The following KCNG4 variants were observed in gnomAD, a reference collection of about 807,000 sequenced individuals.
KCNG4 encodes the protein voltage-gated potassium channel regulatory subunit KCNG4.
KCNG4 carries 30 observed loss-of-function variants against 28.2 expected under a neutral mutation model. The ratio of observed to expected loss-of-function variants is 1.06; its 90% confidence interval spans 0.80 to 1.44. KCNG4 has a LOEUF of 1.44. KCNG4 is among the 40% of genes most tolerant of loss of function. KCNG4 has a pLI of 0.00. For missense variants in KCNG4, 879 were observed against 712.3 expected (o/e 1.23, Z -2.66); for synonymous variants, 375 against 315.5 (o/e 1.19, Z -2.00).
chr16:84,223,668 G>A (rs1269220771), intron 2 of KCNG4, among the ~76,000 whole-genome samples: 1 of 152,182 alleles, frequency 6.6e-6, no homozygotes, highest in South Asian at 2.1e-4. Context: ...GGTCACAGCA[G>A]TGAAGTGACT....
intron 1 of KCNG4, among the ~76,000 whole-genome samples, chr16:84,237,786 G>A (rs776997551): frequency 3.3e-5 from 5 of 152,172 alleles, no homozygotes; most frequent in South Asian, 2.1e-4. Context: ...GACGTTGCAC[G>A]GATGGGGGCT....
At chr16:84,239,281 G>C (rs1160295544) in intron 1 of KCNG4, among the ~76,000 whole-genome samples, 1 of 152,222 alleles carries the variant, frequency 6.6e-6, no homozygotes, top group African/African-American at 2.4e-5. Context: ...GGCCAGAGGA[G>C]GATGAGGAGC....
intron 1 of KCNG4, 49 bp from the exon 2 acceptor site, chr16:84,237,574 T>C: frequency 7.4e-7 from 1 of 1,344,936 alleles, no homozygotes; most frequent in South Asian, 2.0e-5. Flanking sequence ...AAATCAGTCT[T>C]GGGGCAAAGA....
chr16:84,239,297 G>A (rs1049214298), intron 1 of KCNG4, among the ~76,000 whole-genome samples: 5 of 152,214 alleles, frequency 3.3e-5, no homozygotes, highest in African/African-American at 4.8e-5. Flanking sequence ...GGAGCCTGCA[G>A]AGAGAAGAGT....
chr16:84,222,203 T>C lies in KCNG4; in HGVS notation c.*14A>G, dbSNP rs56796255. 351,981 of 1,612,026 alleles carry C rather than the reference T, an allele frequency of 0.22. 40,278 individuals carry two copies. The highest frequency in any genetic ancestry group is 0.23 in the Non-Finnish European group (271,003 of 1,178,712). On this transcript the variant is annotated 3_prime_UTR_variant, in exon 3 of 3. Transcript: ENST00000308251. ...ATGGGTTGAGGTTACCATGTAGTCA[T>C]GGGGGGTGCTGAGTTACATGTGCAT...
chr16:84,236,723 C>G lies in KCNG4; in HGVS notation c.756+7G>C, dbSNP rs774889779. ...TGGAGCCGTGAATGCCATCAGAGGC[C>G]GCTCACCTGGTCCTCCTCTGCCCTG... On this transcript the variant is annotated splice_region_variant and intron_variant, in intron 2 of 2. Transcript: ENST00000308251. The G allele has an allele frequency of 2.9e-5, 47 of 1,602,088 alleles. No individual in the cohort carries two copies. The East Asian group carries it at 9.2e-4, about 31-fold the overall frequency.
At chr16:84,238,474 TCA>T (rs1324900755) in intron 1 of KCNG4, among the ~76,000 whole-genome samples, 6 of 152,208 alleles carry the variant, frequency 3.9e-5, no homozygotes, top group African/African-American at 1.2e-4. Context: ...GTACTTGCAA[TCA>T]CAGTACTCCT....
chr16:84,238,821 T>C (rs774930072), intron 1 of KCNG4, among the ~76,000 whole-genome samples: 4 of 152,064 alleles, frequency 2.6e-5, no homozygotes, highest in Non-Finnish European at 4.4e-5. Context: ...TAAGCCGAGA[T>C]TGCGCCATTG....
intron 2 of KCNG4, among the ~76,000 whole-genome samples, chr16:84,233,716 AAAG>A (rs938223121): frequency 6.6e-6 from 1 of 152,148 alleles, no homozygotes; most frequent in African/African-American, 2.4e-5. Flanking sequence ...AAATTTAAAA[AAAG>A]AAAGAGAGAG....
rs746462606 is a variant in KCNG4, at chr16:84,236,920, TC to T, written c.565del (p.Glu189ArgfsTer16). On this transcript the variant is annotated frameshift_variant, in exon 2 of 3. Coordinates refer to ENST00000308251, the MANE Select transcript of KCNG4 (RefSeq NM_172347.3). LOFTEE classifies it high-confidence loss of function. ...HREDVLRQQR[E>X]TRRPASHSSR... ...GGAGTGCGAGGCGGGGCGGCGGGTCTCCCTCTGCTGCCTCAGTACGTCCTCC... is the reference window on the plus strand; with the variant it reads ...GGAGTGCGAGGCGGGGCGGCGGGTCTCCTCTGCTGCCTCAGTACGTCCTCC... The T allele has an allele frequency of 6.2e-7, 1 of 1,613,482 alleles. No homozygotes were observed. The highest frequency in any genetic ancestry group is 8.5e-7 in the Non-Finnish European group (1 of 1,180,018).
intron 2 of KCNG4, among the ~76,000 whole-genome samples, chr16:84,234,344 T>G (rs992713619): frequency 3.3e-5 from 5 of 152,064 alleles, no homozygotes; most frequent in Non-Finnish European, 7.4e-5. Flanking sequence ...GGCTAATTTT[T>G]TTTTGTTTTT....
In KCNG4 at chr16:84,236,907, G is replaced by A. The variant is rs34310014; in HGVS notation, c.579C>T (p.Pro193=). The A allele has an allele frequency of 1.4e-4, 225 of 1,613,246 alleles. 1 individual carries two copies. Among genetic ancestry groups the A allele is most frequent in the African/African-American group, 1.0e-3 (76 of 74,930 alleles). Residue 193 remains proline (P), a synonymous_variant, in exon 2 of 3, where the codon CCC becomes CCT. Transcript: ENST00000308251. ...VLRQQRETRR[P]ASHSSRWGLC... ...GGCCCCAGCGCGAGGAGTGCGAGGC[G>A]GGGCGGCGGGTCTCCCTCTGCTGCC...
intron 2 of KCNG4, among the ~76,000 whole-genome samples, chr16:84,225,160 C>T (rs1468490708): frequency 6.6e-6 from 1 of 152,066 alleles, no homozygotes; most frequent in Non-Finnish European, 1.5e-5. Context: ...GCAATACCTT[C>T]TTCCTGTTGC....
intron 2 of KCNG4, among the ~76,000 whole-genome samples, chr16:84,224,122 G>T (rs939479335): frequency 2.6e-5 from 4 of 152,062 alleles, no homozygotes; most frequent in Admixed American, 6.6e-5. Flanking sequence ...AGCATCTCAG[G>T]CCCCACCCCA....
chr16:84,221,761 G>T lies in KCNG4; in HGVS notation c.*456C>A, dbSNP rs142851377. On this transcript the variant is annotated 3_prime_UTR_variant, in exon 3 of 3. Coordinates refer to ENST00000308251, the MANE Select transcript of KCNG4 (RefSeq NM_172347.3). ...GGTTGGGTGGGGAGATCTGATTAGA[G>T]GGGTTTGCAGTGACTGGACCTTTGA... The T allele has an allele frequency of 2.9e-3, 499 of 171,014 alleles. 4 individuals are homozygous for T. The highest frequency in any genetic ancestry group is 0.011 in the African/African-American group (467 of 41,726). The allele number at this position is 171,014 out of a possible 1,614,324, so 10.6% of individuals were successfully genotyped here.
Position 84,226,303 on chromosome 16 carries a change from G to C in KCNG4, c.757-3283C>G, listed in dbSNP as rs972241518. Among the ~76,000 whole-genome samples the C allele has an allele frequency of 6.6e-6, 1 of 152,184 alleles. No individual in the cohort carries two copies. The highest frequency in any genetic ancestry group is 2.4e-5 in the African/African-American group (1 of 41,422). On this transcript the variant is annotated intron_variant, in intron 2 of 2. Transcript: ENST00000308251. The surrounding 1 kb of genome is among the most constrained non-coding windows in gnomAD (Gnocchi z 4.1). ...CTTGTGGGAAGCTCGAGAACAGGCAGCCTCATCTAGGGTGCACAAAGTGAT... is the reference window on the plus strand; with the variant it reads ...CTTGTGGGAAGCTCGAGAACAGGCACCCTCATCTAGGGTGCACAAAGTGAT...
chr16:84,224,771 T>C (rs12444938), intron 2 of KCNG4, among the ~76,000 whole-genome samples: 1 of 152,188 alleles, frequency 6.6e-6, no homozygotes, highest in Non-Finnish European at 1.5e-5. Flanking sequence ...GCCTCTTCTT[T>C]GGAAACTGAA....
intron 2 of KCNG4, among the ~76,000 whole-genome samples, chr16:84,233,043 T>C (rs1904863296): frequency 6.6e-6 from 1 of 152,128 alleles, no homozygotes; most frequent in Non-Finnish European, 1.5e-5. Context: ...AGGATGAATG[T>C]TTGGTTTCCT....
Position 84,226,868 on chromosome 16 carries a change from G to C in KCNG4, c.757-3848C>G, listed in dbSNP as rs1904710207. On this transcript the variant is annotated intron_variant, in intron 2 of 2. Coordinates refer to ENST00000308251, the MANE Select transcript of KCNG4 (RefSeq NM_172347.3). This position sits in a 1 kb window ranked among gnomAD's most constrained non-coding sequence, Gnocchi z 4.1. ...CACTGCAGCCTGGGCGATAGAGCGA[G>C]ACTCCGTCTCAAAGACAAACATACA... is the stretch of plus-strand genomic sequence containing the variant. Among the ~76,000 whole-genome samples, 1 of 151,978 alleles carries C rather than the reference G, an allele frequency of 6.6e-6. No individual in the cohort carries two copies. The highest frequency in any genetic ancestry group is 1.5e-5 in the Non-Finnish European group (1 of 67,976).
Sources: allele counts gnomAD v4.1 joint callset (sites outside exome capture counted in the v4.1 genomes callset), GRCh38; gene constraint gnomAD v4.1.1; non-coding constraint Gnocchi (gnomAD v3.1); transcripts MANE v1.5; gene names NCBI Gene and HGNC (gene_info 2026-07-23, HGNC 2026-07-21).